The following PCDH15 variants were observed in gnomAD, a reference collection of about 807,000 sequenced individuals.
The protein encoded by PCDH15 is protocadherin-15.
Under a neutral mutation model 178.5 loss-of-function variants are expected in PCDH15, and 129 were observed. That is an observed-to-expected ratio of 0.72 (90% CI 0.63 to 0.84). PCDH15 has a LOEUF of 0.84. Ranked by LOEUF, PCDH15 falls within the 40% of genes least tolerant of loss-of-function variation. The probability of loss-of-function intolerance (pLI) is 0.00; values close to 1 mark genes in which losing one functional copy is unlikely to be tolerated. For missense variants in PCDH15, 2,230 were observed against 2,099.9 expected, an observed-to-expected ratio of 1.06 and a Z score of -1.21; for synonymous variants, 800 against 732.0, an observed-to-expected ratio of 1.09 and a Z score of -1.50.
At chr10:55,175,679 GAAAAAGAAAA>G (rs1246018841) in intron 1 of PCDH15, among the ~76,000 whole-genome samples, 1 of 108,532 alleles carries the variant, frequency 9.2e-6, no homozygotes, top group African/African-American at 3.3e-5. Context: ...AAAAAAAAAA[GAAAAAGAAAA>G]AAAAAGAAAA....
intron 2 of PCDH15, among the ~76,000 whole-genome samples, chr10:54,582,214 A>G (rs1285127255): frequency 6.6e-6 from 1 of 152,176 alleles, no homozygotes; most frequent in Non-Finnish European, 1.5e-5. Context: ...AGAATCTATA[A>G]AAAACTTAAA....
chr10:54,422,915 A>G (rs1439029635), intron 3 of PCDH15, among the ~76,000 whole-genome samples: 3 of 152,176 alleles, frequency 2.0e-5, no homozygotes, highest in Non-Finnish European at 4.4e-5. Flanking sequence ...TAGAAAACGT[A>G]TTAAGCAGCA....
intron 2 of PCDH15, among the ~76,000 whole-genome samples, chr10:55,161,229 T>C (rs1250789098): frequency 6.6e-6 from 1 of 152,202 alleles, no homozygotes; most frequent in Non-Finnish European, 1.5e-5. Context: ...TGCCCTCCTC[T>C]ACTGCTACAA....
At chr10:55,135,570 CTTTCT>C (rs1838169495) in intron 2 of PCDH15, among the ~76,000 whole-genome samples, 8 of 103,720 alleles carry the variant, frequency 7.7e-5, no homozygotes, top group Admixed American at 6.0e-4. Flanking sequence ...TTTTTCTTTT[CTTTCT>C]TTTTTTTTTT....
chr10:55,300,160 CATTAGCCTCTG>C (rs1843237738), intron 1 of PCDH15, among the ~76,000 whole-genome samples: 1 of 152,150 alleles, frequency 6.6e-6, no homozygotes, highest in African/African-American at 2.4e-5. Context: ...GTTTACCCTA[CATTAGCCTCTG>C]AAATATTTTA....
At chr10:54,713,048 G>A (rs1243079103) in intron 1 of PCDH15, among the ~76,000 whole-genome samples, 1 of 151,958 alleles carries the variant, frequency 6.6e-6, no homozygotes, top group Non-Finnish European at 1.5e-5. Context: ...TAGGTAATGG[G>A]CATCATAAAT....
chr10:54,312,120 G>C (rs569304632), intron 8 of PCDH15, among the ~76,000 whole-genome samples: 1 of 152,132 alleles, frequency 6.6e-6, no homozygotes, highest in Admixed American at 6.6e-5. Context: ...TGACATTAAT[G>C]GTTAGCTTTC....
At chr10:55,281,461 T>C (rs1327152421) in intron 1 of PCDH15, among the ~76,000 whole-genome samples, 5 of 151,958 alleles carry the variant, frequency 3.3e-5, no homozygotes, top group Non-Finnish European at 7.4e-5. Flanking sequence ...ACTCTTACCA[T>C]CTCCGACATG....
Position 55,329,467 on chromosome 10 carries a change from C to T in PCDH15, c.-155-162816G>A, listed in dbSNP as rs1291316987. Among the ~76,000 whole-genome samples, 4 of 149,764 alleles carry T rather than the reference C, an allele frequency of 2.7e-5. No individual in the cohort carries two copies. In the East Asian group the frequency reaches 7.8e-4, roughly 29 times the overall value. On this transcript the variant is annotated intron_variant, in intron 2 of 5. Coordinates refer to the PCDH15 transcript ENST00000613346. Reference sequence around the variant, plus strand: ...TAAGAGAGAAAAAGGGTCTTGAAAGCAAAAAAAAATTCAGAACCACTTTTT... The same window carrying T: ...TAAGAGAGAAAAAGGGTCTTGAAAGTAAAAAAAAATTCAGAACCACTTTTT...
At position 53,824,037 on chromosome 10, in the gene PCDH15, T is replaced by TTAAAACCTTA. The variant is rs1186764595; in HGVS notation, c.4367+3346_4367+3355dup. Among the ~76,000 whole-genome samples, 6 of 152,202 alleles carry TTAAAACCTTA rather than the reference T, an allele frequency of 3.9e-5. No homozygotes were observed. In the South Asian group the frequency reaches 1.2e-3, roughly 32 times the overall value. ...ATAATACCAATCAGGAAAAATTGTT[T>TTAAAACCTTA]TAAAACCTTATAAATAGTACCAATC... is the stretch of plus-strand genomic sequence containing the variant. On this transcript the variant is annotated intron_variant, in intron 32 of 37. Transcript: ENST00000644397.
At chr10:55,226,565 A>G (rs1263243617) in intron 1 of PCDH15, among the ~76,000 whole-genome samples, 1 of 151,842 alleles carries the variant, frequency 6.6e-6, no homozygotes, top group Non-Finnish European at 1.5e-5. Flanking sequence ...GATTTTTAGT[A>G]GACACGGGGT....
At chr10:54,749,185 G>A (rs907276426) in intron 1 of PCDH15, among the ~76,000 whole-genome samples, 11 of 151,988 alleles carry the variant, frequency 7.2e-5, no homozygotes, top group East Asian at 5.8e-4. Context: ...CCAAATCAGC[G>A]TCAGTAACTA....
At chr10:55,331,676 T>G (rs1355120025) in intron 2 of PCDH15, among the ~76,000 whole-genome samples, 1 of 152,082 alleles carries the variant, frequency 6.6e-6, no homozygotes, top group East Asian at 1.9e-4. Context: ...AGAAAGAAAC[T>G]GCGGCTGTAT....
At chr10:55,469,021 T>A (rs541086807) in intron 2 of PCDH15, 12 of 152,250 alleles carry the variant, frequency 7.9e-5, no homozygotes, top group Admixed American at 6.5e-4. Flanking sequence ...GTGTTTTTTT[T>A]AAAAGAAGCA....
Position 55,232,240 on chromosome 10 carries a change from T to C in PCDH15, c.-155-65589A>G, listed in dbSNP as rs1841248146. On this transcript the variant is annotated intron_variant, in intron 1 of 5. Coordinates refer to the PCDH15 transcript ENST00000458638. ...ATTTAGATATCATTGGGAGTAATTT[T>C]ATCATTCAATTTGTAAATACTTTTT... 3.3e-5 allele frequency among the ~76,000 whole-genome samples: 5 copies of C among 152,172 alleles called. No individual in the cohort carries two copies. In the South Asian group the frequency reaches 1.0e-3, roughly 32 times the overall value.
chr10:55,411,837 T>C (rs932662058), intron 2 of PCDH15, among the ~76,000 whole-genome samples: 2 of 152,040 alleles, frequency 1.3e-5, no homozygotes, highest in Admixed American at 1.3e-4. Context: ...CAGATAATCC[T>C]GCAGTTAGGT....
intron 1 of PCDH15, among the ~76,000 whole-genome samples, chr10:55,249,947 G>C (rs1841790376): frequency 1.3e-5 from 2 of 151,504 alleles, no homozygotes; most frequent in African/African-American, 4.9e-5. Context: ...AAAATATTTT[G>C]GTCATGATCT....
At chr10:54,105,059 T>C (rs1019588109) in intron 15 of PCDH15, among the ~76,000 whole-genome samples, 1 of 151,134 alleles carries the variant, frequency 6.6e-6, no homozygotes, top group Non-Finnish European at 1.5e-5. Context: ...AGGACTATCA[T>C]TGTTCACCAT....
chr10:54,120,663 C>T (rs2095201438), intron 15 of PCDH15, among the ~76,000 whole-genome samples: 1 of 151,950 alleles, frequency 6.6e-6, no homozygotes, highest in Admixed American at 6.6e-5. Flanking sequence ...AGAGATTAAA[C>T]TAACAACACT....
Sources: allele counts gnomAD v4.1 joint callset (sites outside exome capture counted in the v4.1 genomes callset), GRCh38; gene constraint gnomAD v4.1.1; transcripts MANE v1.5; gene names NCBI Gene and HGNC (gene_info 2026-07-23, HGNC 2026-07-21).